The following ZBBX variants were observed in gnomAD, a reference collection of about 807,000 sequenced individuals.
The protein encoded by ZBBX is zinc finger B-box domain containing, also known as zinc finger B-box domain-containing protein 1.
ZBBX carries 101 observed loss-of-function variants against 108.5 expected under a neutral mutation model. The ratio of observed to expected loss-of-function variants is 0.93; its 90% CI spans 0.79 to 1.10. ZBBX has a LOEUF of 1.10. Ranked by LOEUF, ZBBX falls within the 50% of genes least tolerant of loss-of-function variation. ZBBX has a pLI of 0.00. For missense variants in ZBBX, 1,009 were observed against 941.4 expected (o/e 1.07, Z -0.94); for synonymous variants, 356 against 323.4 (o/e 1.10, Z -1.08).
chr3:167,272,560 A>C (rs1479482885), intron 20 of ZBBX, among the ~76,000 whole-genome samples: 1 of 152,212 alleles, frequency 6.6e-6, no homozygotes, highest in African/African-American at 2.4e-5. Context: ...AAACCCCCTC[A>C]AACTAAAGCT....
the ZBBX span, among the ~76,000 whole-genome samples, chr3:167,205,452 A>C: frequency 6.6e-6 from 1 of 152,198 alleles, no homozygotes; most frequent in Non-Finnish European, 1.5e-5. Context: ...AAAGATCTTA[A>C]GTGGTTTTGT....
At chr3:167,311,272 GAC>G (rs1280416281) in intron 16 of ZBBX, among the ~76,000 whole-genome samples, 1 of 152,036 alleles carries the variant, frequency 6.6e-6, no homozygotes, top group Admixed American at 6.6e-5. Flanking sequence ...AATATATATA[GAC>G]ACAGACCTTA....
chr3:167,268,334 G>T (rs1725931801), intron 20 of ZBBX, among the ~76,000 whole-genome samples: 1 of 151,988 alleles, frequency 6.6e-6, no homozygotes, highest in Admixed American at 6.6e-5. Context: ...CTCGGGGGAA[G>T]AAAGAGGGAT....
At chr3:167,203,925 A>G in the ZBBX span, among the ~76,000 whole-genome samples, 2 of 152,180 alleles carry the variant, frequency 1.3e-5, no homozygotes, top group Non-Finnish European at 1.5e-5. Context: ...ACTAAGTCTT[A>G]TTCATCTTTG....
chr3:167,399,766 T>C (rs965006449), intron 1 of ZBBX, among the ~76,000 whole-genome samples: 4 of 152,176 alleles, frequency 2.6e-5, no homozygotes, highest in Non-Finnish European at 2.9e-5. Context: ...CAAGGGTATA[T>C]TGCATGATGC....
intron 9 of ZBBX, among the ~76,000 whole-genome samples, chr3:167,347,301 G>T (rs905875104): frequency 2.0e-5 from 3 of 151,930 alleles, no homozygotes; most frequent in Non-Finnish European, 4.4e-5. Context: ...CATGTAAAAT[G>T]ATAACTACCA....
At position 167,252,036 on chromosome 3, in the gene ZBBX, T is replaced by G. The variant is rs1372371093; in HGVS notation, c.2255-9393A>C. The stretch of plus-strand genomic sequence containing the variant: ...AATCAGAATCCAAGGAGAAACTGTT[T>G]CCTTAAACACCTCTGCCCTTCTCAG... On this transcript the variant is annotated intron_variant, in intron 20 of 21. Transcript: ENST00000675490. 4 of 794,606 alleles carry G rather than the reference T, an allele frequency of 5.0e-6. No homozygotes were observed. The Admixed American group carries it at 1.3e-4, about 26-fold the overall frequency. The allele number at this position is 794,606 out of a possible 1,614,324, so 49.2% of individuals were successfully genotyped here.
At chr3:167,306,874 T>C (rs186099134) in intron 16 of ZBBX, among the ~76,000 whole-genome samples, 2 of 152,294 alleles carry the variant, frequency 1.3e-5, no homozygotes. Flanking sequence ...CTATGTAAAA[T>C]AGTAGAAACT....
intron 9 of ZBBX, among the ~76,000 whole-genome samples, chr3:167,348,255 GTGGAA>G (rs1741866498): frequency 1.7e-4 from 19 of 114,444 alleles, no homozygotes; most frequent in South Asian, 3.5e-4. Context: ...GGGAGGGAGG[GTGGAA>G]GGGAAGGAAG....
At position 167,317,504 on chromosome 3, in the gene ZBBX, G is replaced by A. The variant is rs372871493; in HGVS notation, c.1077C>T (p.Asn359=). The change falls in exon 13 of 22, where the codon AAC becomes AAT. Residue 359 remains asparagine (N), a synonymous_variant. Transcript: ENST00000675490. The stretch of plus-strand genomic sequence containing the variant: ...TGAACTAACCATCACTATCTTCATC[G>A]TTTTCATTTTGAGAACACTGTGCAT... ...TGDAQCSQNE[N]DEDSDGEETK... is the part of the protein sequence containing the mutation. 1.6e-4 allele frequency: 253 copies of A among 1,607,324 alleles called. No homozygotes were observed. The highest frequency in any genetic ancestry group is 1.9e-4 in the Non-Finnish European group (219 of 1,176,606).
At chr3:167,192,899 GTTTAC>G in the ZBBX span, among the ~76,000 whole-genome samples, 1 of 152,154 alleles carries the variant, frequency 6.6e-6, no homozygotes, top group Non-Finnish European at 1.5e-5. Context: ...AGATCACAGA[GTTTAC>G]TTTAAACTGC....
At chr3:167,310,196 A>T (rs976017506) in intron 16 of ZBBX, among the ~76,000 whole-genome samples, 4 of 152,180 alleles carry the variant, frequency 2.6e-5, no homozygotes, top group Admixed American at 6.5e-5. Flanking sequence ...CCTCATTTCC[A>T]TCTGAAACCA....
intron 2 of ZBBX, among the ~76,000 whole-genome samples, chr3:167,375,011 T>C (rs774783311): frequency 6.6e-6 from 1 of 152,136 alleles, no homozygotes; most frequent in African/African-American, 2.4e-5. Context: ...CAATAATGAG[T>C]GGCTTTAAAT....
the ZBBX span, among the ~76,000 whole-genome samples, chr3:167,190,823 C>T: frequency 6.6e-6 from 1 of 152,118 alleles, no homozygotes; most frequent in South Asian, 2.1e-4. Context: ...CAAGAGGATG[C>T]CAGTGAGCTG....
the ZBBX span, among the ~76,000 whole-genome samples, chr3:167,231,524 T>C: frequency 2.0e-5 from 3 of 151,800 alleles, no homozygotes; most frequent in Admixed American, 2.0e-4. Context: ...AGAGCCTAAT[T>C]TGAATGGGTC....
At chr3:167,221,495 C>A in the ZBBX span, among the ~76,000 whole-genome samples, 1 of 151,854 alleles carries the variant, frequency 6.6e-6, no homozygotes, top group South Asian at 2.1e-4. Context: ...ACTCCTATCT[C>A]TTGTTGACTA....
chr3:167,228,297 T>C, the ZBBX span, among the ~76,000 whole-genome samples: 1 of 151,736 alleles, frequency 6.6e-6, no homozygotes, highest in Admixed American at 6.6e-5. Context: ...TGAGTCAGCT[T>C]CTGAGTCAAG....
intron 20 of ZBBX, among the ~76,000 whole-genome samples, chr3:167,262,494 G>C (rs1328790942): frequency 6.6e-6 from 1 of 152,096 alleles, no homozygotes; most frequent in Non-Finnish European, 1.5e-5. Context: ...ATCAGGTTCT[G>C]GGCTTCTTTA....
At chr3:167,338,980 C>T (rs192761110) in intron 9 of ZBBX, among the ~76,000 whole-genome samples, 3 of 151,984 alleles carry the variant, frequency 2.0e-5, no homozygotes, top group Admixed American at 2.0e-4. Flanking sequence ...CTTTTTTTGG[C>T]CTGGCTTTTG....
Sources: allele counts gnomAD v4.1 joint callset (sites outside exome capture counted in the v4.1 genomes callset), GRCh38; gene constraint gnomAD v4.1.1; transcripts MANE v1.5; gene names NCBI Gene and HGNC (gene_info 2026-07-23, HGNC 2026-07-21).